Variants in ABHD12 observed in about 807,000 individuals in gnomAD.
ABHD12 encodes the protein lysophosphatidylserine lipase ABHD12.
ABHD12 carries 43 observed loss-of-function variants against 58.3 expected under a neutral mutation model. The ratio of observed to expected loss-of-function variants is 0.74; its 90% CI spans 0.58 to 0.95. The LOEUF is 0.95. Ranked by LOEUF, ABHD12 falls within the 40% of genes least tolerant of loss-of-function variation. The pLI, the probability that ABHD12 is intolerant of heterozygous loss-of-function variation, is 0.00. For missense variants in ABHD12, 539 were observed against 537.2 expected (o/e 1.00, Z -0.03); for synonymous variants, 219 against 211.2 (o/e 1.04, Z -0.32).
In ABHD12 at chr20:25,355,764, G is replaced by A. The variant is rs1036042243; in HGVS notation, c.192-16413C>T. On this transcript the variant is annotated intron_variant, in intron 1 of 12. Coordinates refer to ENST00000339157, the MANE Select transcript of ABHD12 (RefSeq NM_001042472.3). ...AGTAGAGACGGGGTTTCACCATGTT[G>A]GCCAGGATGGTCTCAATCTCCTGAT... Among the ~76,000 whole-genome samples the A allele has an allele frequency of 4.6e-5, 7 of 152,088 alleles. No individual in the cohort carries two copies. The South Asian group carries it at 1.2e-3, about 27-fold the overall frequency.
At chr20:25,368,608 T>G (rs1020916959) in intron 1 of ABHD12, 1 of 1,388,764 alleles carries the variant, frequency 7.2e-7, no homozygotes. Flanking sequence ...AATAATTCTG[T>G]GAAAGCGGAA....
At chr20:25,338,811 A>T in intron 2 of ABHD12, 1 of 1,006,574 alleles carries the variant, frequency 9.9e-7, no homozygotes, top group Non-Finnish European at 1.2e-6. Flanking sequence ...AGGCTCCTGG[A>T]ATGCACAACT....
chr20:25,334,912 A>G (rs2089337788), intron 2 of ABHD12, among the ~76,000 whole-genome samples: 1 of 151,710 alleles, frequency 6.6e-6, no homozygotes, highest in Non-Finnish European at 1.5e-5. Context: ...CTTCATGTCT[A>G]AAACACCAAA....
At chr20:25,313,578 A>AAAATAAAAT (rs2088904488) in intron 6 of ABHD12, among the ~76,000 whole-genome samples, 4 of 131,684 alleles carry the variant, frequency 3.0e-5, no homozygotes, top group Non-Finnish European at 1.6e-5. Flanking sequence ...AATGATCAAT[A>AAAATAAAAT]AAAATAAAAT....
Position 25,309,561 on chromosome 20 carries a change from C to T in ABHD12, c.634G>A (p.Val212Met), listed in dbSNP as rs2088810663. 1 of 1,614,192 alleles carries T rather than the reference C, an allele frequency of 6.2e-7. No homozygotes were observed. Among genetic ancestry groups the T allele is most frequent in the African/African-American group, 1.3e-5 (1 of 75,082 alleles). ...ATGCCCCGCTCAGATGGCGTTCCCA[C>T]TGAGTCACCCCAACCTGGGAGGGAG... ...TFDYRGWGDS[V>M]GTPSERGMTY... Residue 212 changes from valine to methionine, a missense_variant, in exon 7 of 13, where the codon GTG becomes ATG. By Grantham distance (21) the Val-to-Met change is conservative. Transcript: ENST00000339157.
intron 1 of ABHD12, among the ~76,000 whole-genome samples, chr20:25,352,334 G>GT (rs1299178902): frequency 6.6e-6 from 1 of 151,860 alleles, no homozygotes; most frequent in Non-Finnish European, 1.5e-5. Flanking sequence ...TGTTGCCCAG[G>GT]CTGGAGTACA....
chr20:25,315,033 G>T (rs1167641704), intron 5 of ABHD12, 63 bp from the exon 6 acceptor site: 1 of 1,563,340 alleles, frequency 6.4e-7, no homozygotes, highest in Non-Finnish European at 8.8e-7. Context: ...AGGGCAGCTT[G>T]CCGCTTACTA....
At chr20:25,309,900 G>A (rs1282497491) in intron 6 of ABHD12, among the ~76,000 whole-genome samples, 1 of 152,242 alleles carries the variant, frequency 6.6e-6, no homozygotes, top group Non-Finnish European at 1.5e-5. Flanking sequence ...CTAACAGCAA[G>A]CTGAGTTAAC....
chr20:25,383,357 T>C (rs979946249), intron 1 of ABHD12, among the ~76,000 whole-genome samples: 1 of 152,194 alleles, frequency 6.6e-6, no homozygotes, highest in Non-Finnish European at 1.5e-5. Flanking sequence ...AGCCCACTGA[T>C]CTCTGTCAAT....
intron 1 of ABHD12, among the ~76,000 whole-genome samples, chr20:25,366,498 T>G (rs546547488): frequency 1.9e-4 from 29 of 152,278 alleles, no homozygotes; most frequent in African/African-American, 6.7e-4. Flanking sequence ...ACTCCCGACC[T>G]CAGTTGATCC....
chr20:25,368,673 T>A, intron 1 of ABHD12: 4 of 1,367,272 alleles, frequency 2.9e-6, no homozygotes, highest in Non-Finnish European at 4.2e-6. Flanking sequence ...AGTTTTCTGC[T>A]GTCTTTGGAA....
At chr20:25,349,478 G>T (rs1210826935) in intron 1 of ABHD12, among the ~76,000 whole-genome samples, 2 of 152,148 alleles carry the variant, frequency 1.3e-5, no homozygotes, top group African/African-American at 4.8e-5. Context: ...TCAAAAGGTG[G>T]AAGTAACCCA....
At chr20:25,314,678 T>TAAAAAAAAAAA (rs767083258) in intron 6 of ABHD12, among the ~76,000 whole-genome samples, 1 of 134,364 alleles carries the variant, frequency 7.4e-6, no homozygotes. Context: ...GATCCTATCT[T>TAAAAAAAAAAA]AAAAAAAAAA....
chr20:25,377,204 G>A (rs1313360110), intron 1 of ABHD12, among the ~76,000 whole-genome samples: 3 of 152,168 alleles, frequency 2.0e-5, no homozygotes, highest in African/African-American at 7.2e-5. Flanking sequence ...TTTTTTGCTT[G>A]CCTTCTTGTA....
chr20:25,338,266 G>C (rs2089405356), intron 2 of ABHD12, among the ~76,000 whole-genome samples: 1 of 152,024 alleles, frequency 6.6e-6, no homozygotes, highest in Admixed American at 6.6e-5. Context: ...AGCAATATCA[G>C]GCCCAGCTTT....
downstream of ABHD12, chr20:25,295,718 T>C (rs749245533): frequency 5.9e-6 from 9 of 1,534,838 alleles, no homozygotes; most frequent in Admixed American, 1.7e-5. Context: ...GGTGGGTCCA[T>C]GTAGACGTGT....
chr20:25,390,323 C>T (rs1241289396), intron 1 of ABHD12, among the ~76,000 whole-genome samples, 190 bp downstream of exon 1: 2 of 152,142 alleles, frequency 1.3e-5, no homozygotes, highest in Non-Finnish European at 2.9e-5. Context: ...GCCGCGGTGC[C>T]TGGGGAAGGG....
chr20:25,336,906 T>G (rs1485129674), intron 2 of ABHD12, among the ~76,000 whole-genome samples: 1 of 152,038 alleles, frequency 6.6e-6, no homozygotes, highest in Non-Finnish European at 1.5e-5. Context: ...GAATGTCCAA[T>G]CGCTGCTCCC....
At chr20:25,345,210 T>C (rs1277093149) in intron 1 of ABHD12, among the ~76,000 whole-genome samples, 2 of 152,074 alleles carry the variant, frequency 1.3e-5, no homozygotes, top group African/African-American at 4.8e-5. Context: ...CTCAGCCTCC[T>C]GAGCAGCTGA....
Sources: allele counts gnomAD v4.1 joint callset (sites outside exome capture counted in the v4.1 genomes callset), GRCh38; gene constraint gnomAD v4.1.1; transcripts MANE v1.5; gene names NCBI Gene and HGNC (gene_info 2026-07-23, HGNC 2026-07-21).